Variants in GALNTL6 observed in about 807,000 individuals in gnomAD.
GALNTL6 encodes the protein polypeptide N-acetylgalactosaminyltransferase-like 6.
GALNTL6 carries 46 observed loss-of-function variants against 73.7 expected under a neutral mutation model. That is an observed-to-expected ratio of 0.62 (90% confidence interval 0.49 to 0.80). The LOEUF (loss-of-function observed/expected upper bound fraction) is 0.80. GALNTL6 is among the 30% of genes least tolerant of loss of function. The pLI, the probability that GALNTL6 is intolerant of heterozygous loss-of-function variation, is 0.00. For synonymous variants in GALNTL6, 259 were observed against 263.7 expected (o/e 0.98, Z 0.17); for missense variants, 604 against 755.0 (o/e 0.80, Z 2.34).
rs533304430 is a variant in GALNTL6, at chr4:173,013,727, CT to C, written c.1488+4434del. Among the ~76,000 whole-genome samples, 952 of 152,114 alleles carry C rather than the reference CT, an allele frequency of 6.3e-3. 14 individuals are homozygous for C. Among genetic ancestry groups the C allele is most frequent in the African/African-American group, 0.022 (906 of 41,488 alleles). On this transcript the variant is annotated intron_variant, in intron 11 of 12. Transcript: ENST00000506823. Reference sequence around the variant, plus strand: ...AAAAGATTTCCTGTCTCTAGAGATCCTAAAAATGAAGCTACAGTAGGATTAA... The same window carrying C: ...AAAAGATTTCCTGTCTCTAGAGATCCAAAAATGAAGCTACAGTAGGATTAA...
chr4:172,324,888 A>G (rs556917793), intron 4 of GALNTL6, among the ~76,000 whole-genome samples: 1 of 151,374 alleles, frequency 6.6e-6, no homozygotes, highest in South Asian at 2.1e-4. Flanking sequence ...TAATGAATAT[A>G]CATCCCAAAG....
intron 5 of GALNTL6, among the ~76,000 whole-genome samples, chr4:172,461,233 G>T (rs1235478729): frequency 6.6e-6 from 1 of 151,842 alleles, no homozygotes; most frequent in Non-Finnish European, 1.5e-5. Context: ...GGGGCTAGGG[G>T]AGGGATAGCA....
In GALNTL6 at chr4:171,859,931, G is replaced by A. The variant is rs551297436; in HGVS notation, c.138+45213G>A. ...TTGATACAATATGGCCTGAGGCCTC[G>A]GACATATAGAAACACTCTTTTCAGG... On this transcript the variant is annotated intron_variant, in intron 2 of 12. Coordinates refer to ENST00000506823, the MANE Select transcript of GALNTL6 (RefSeq NM_001034845.3). Among the ~76,000 whole-genome samples the A allele has an allele frequency of 9.9e-5, 15 of 152,240 alleles. No individual in the cohort carries two copies. In the South Asian group the frequency reaches 2.3e-3, roughly 23 times the overall value.
intron 10 of GALNTL6, among the ~76,000 whole-genome samples, chr4:172,994,842 C>G (rs1333550967): frequency 2.0e-5 from 3 of 152,146 alleles, no homozygotes; most frequent in African/African-American, 7.2e-5. Flanking sequence ...ATCCTCAGAA[C>G]CAGTCCCATG....
intron 8 of GALNTL6, among the ~76,000 whole-genome samples, chr4:172,927,068 TC>T (rs1748095271): frequency 6.6e-6 from 1 of 152,174 alleles, no homozygotes; most frequent in Non-Finnish European, 1.5e-5. Context: ...CCCGTCCCCA[TC>T]CATTTAATGA....
chr4:172,613,297 G>A (rs1017103558), intron 5 of GALNTL6, among the ~76,000 whole-genome samples: 1 of 152,044 alleles, frequency 6.6e-6, no homozygotes, highest in Non-Finnish European at 1.5e-5. Context: ...CTGCTGGCTT[G>A]GACACAGTGA....
chr4:171,990,846 G>A (rs1740311365), intron 2 of GALNTL6, among the ~76,000 whole-genome samples: 1 of 152,250 alleles, frequency 6.6e-6, no homozygotes, highest in Non-Finnish European at 1.5e-5. Context: ...AGCAAATATT[G>A]TTTTAAATGT....
chr4:172,333,249 T>C (rs533025579), intron 4 of GALNTL6, among the ~76,000 whole-genome samples: 2 of 151,816 alleles, frequency 1.3e-5, no homozygotes, highest in African/African-American at 4.8e-5. Context: ...CTACTGAAAA[T>C]ACAAAATTAG....
chr4:172,317,124 C>A (rs1487661500), intron 4 of GALNTL6, among the ~76,000 whole-genome samples: 2 of 152,202 alleles, frequency 1.3e-5, no homozygotes, highest in Non-Finnish European at 2.9e-5. Flanking sequence ...CAAGTACTTA[C>A]ATGAAGTACT....
chr4:172,967,069 A>G (rs1299645995), intron 10 of GALNTL6, among the ~76,000 whole-genome samples: 1 of 152,130 alleles, frequency 6.6e-6, no homozygotes, highest in Non-Finnish European at 1.5e-5. Context: ...ATTTTCTCAC[A>G]ATTATCTCCG....
intron 5 of GALNTL6, among the ~76,000 whole-genome samples, chr4:172,634,129 C>T (rs1374567778): frequency 6.6e-6 from 1 of 152,150 alleles, no homozygotes; most frequent in Non-Finnish European, 1.5e-5. Context: ...TCCAATATGT[C>T]CCATCCTTCT....
At chr4:172,307,759 C>G (rs1385524624) in intron 3 of GALNTL6, among the ~76,000 whole-genome samples, 2 of 151,986 alleles carry the variant, frequency 1.3e-5, no homozygotes, top group Admixed American at 1.3e-4. Context: ...ATAACTATAG[C>G]CTTGTAGTAT....
At chr4:172,715,641 C>A (rs1007924988) in intron 5 of GALNTL6, among the ~76,000 whole-genome samples, 6 of 152,138 alleles carry the variant, frequency 3.9e-5, no homozygotes, top group African/African-American at 1.4e-4. Flanking sequence ...CATTTCAGTG[C>A]ATAATTAATG....
rs151081462 is a variant in GALNTL6 at position 172,003,592 on chromosome 4, C to T, written c.138+188874C>T. ...GCCTTCATATATTCAACAGCTATCACCAAAATAATATTCAATCTTTAAGCC... is the reference window on the plus strand; with the variant it reads ...GCCTTCATATATTCAACAGCTATCATCAAAATAATATTCAATCTTTAAGCC... On this transcript the variant is annotated intron_variant, in intron 2 of 12. Coordinates refer to ENST00000506823, the MANE Select transcript of GALNTL6 (RefSeq NM_001034845.3). Among the ~76,000 whole-genome samples, 83 of 152,180 alleles carry T rather than the reference C, an allele frequency of 5.5e-4. 1 individual carries two copies. In the East Asian group the frequency reaches 0.013, roughly 24 times the overall value.
intron 5 of GALNTL6, among the ~76,000 whole-genome samples, chr4:172,721,910 G>A (rs1321509896): frequency 6.6e-6 from 1 of 152,028 alleles, no homozygotes; most frequent in Non-Finnish European, 1.5e-5. Context: ...TCCACTGCCA[G>A]CATCATTAGG....
At chr4:171,939,633 A>C (rs1286972547) in intron 2 of GALNTL6, among the ~76,000 whole-genome samples, 2 of 152,064 alleles carry the variant, frequency 1.3e-5, no homozygotes, top group Non-Finnish European at 2.9e-5. Context: ...TTGAGATGAA[A>C]GATGAAAAGA....
chr4:172,939,621 A>G (rs1037254347), intron 9 of GALNTL6, among the ~76,000 whole-genome samples: 3 of 152,220 alleles, frequency 2.0e-5, no homozygotes, highest in Non-Finnish European at 4.4e-5. Context: ...CTAAGCAAAT[A>G]GCATTGGGCC....
At chr4:172,724,464 C>T (rs1214466617) in intron 5 of GALNTL6, among the ~76,000 whole-genome samples, 4 of 152,140 alleles carry the variant, frequency 2.6e-5, no homozygotes, top group Non-Finnish European at 5.9e-5. Context: ...ATGACAACAC[C>T]TTTGTGAAGC....
chr4:172,320,617 C>T (rs1740725151), intron 4 of GALNTL6, among the ~76,000 whole-genome samples: 1 of 152,006 alleles, frequency 6.6e-6, no homozygotes, highest in African/African-American at 2.4e-5. Context: ...AGGATCCCTC[C>T]TGGTGTCAGA....
Sources: gnomAD v4.1 joint callset for allele counts (sites outside exome capture counted in the v4.1 genomes callset) on GRCh38, gnomAD v4.1.1 for gene constraint, MANE v1.5 for transcripts, NCBI Gene and HGNC (gene_info 2026-07-23, HGNC 2026-07-21) for gene names.